Variants in ARHGEF18 observed in about 807,000 individuals in gnomAD.
ARHGEF18 encodes the protein rho guanine nucleotide exchange factor 18.
A neutral mutation model predicts 155.7 loss-of-function variants in ARHGEF18; 93 were observed. That is an observed-to-expected ratio of 0.60 (90% confidence interval 0.50 to 0.71). The LOEUF (loss-of-function observed/expected upper bound fraction) is 0.71, where lower values mean the gene tolerates loss of function less well. Among genes scored for constraint, ARHGEF18 ranks in the 30% least tolerant of loss-of-function variants. The pLI is 0.00. For missense variants in ARHGEF18, 1,593 were observed against 1,816.1 expected, an observed-to-expected ratio of 0.88 and a Z score of 2.23; for synonymous variants, 742 against 753.1, an observed-to-expected ratio of 0.99 and a Z score of 0.24.
chr19:7,372,780 T>G (rs1369878740), intron 2 of ARHGEF18, 32 bp from the exon 3 acceptor site: 10 of 1,234,322 alleles, frequency 8.1e-6, no homozygotes, highest in South Asian at 4.1e-5. Flanking sequence ...GGTCAATGTC[T>G]TCTTCTCCCT....
intron 3 of ARHGEF18, 109 bp from the exon 4 acceptor site, chr19:7,375,611 G>A: frequency 8.9e-7 from 1 of 1,124,304 alleles, no homozygotes. Flanking sequence ...ACCCTTCCTT[G>A]TCCTGGAAGG....
rs762196307 is a variant in ARHGEF18 at position 7,385,833 on chromosome 19, ATCTCTC to A, written c.967+2663_967+2668del. ...TTAGAGATAGGATCTATCTCTCTCTATCTCTCTCTCTCTCTCTCTCTCTCTCTCTCT... is the reference window on the plus strand; with the variant it reads ...TTAGAGATAGGATCTATCTCTCTCTATCTCTCTCTCTCTCTCTCTCTCTCT... On this transcript the variant is annotated intron_variant, in intron 10 of 28. Coordinates refer to ENST00000668164, the MANE Select transcript of ARHGEF18 (RefSeq NM_001367823.1). Among the ~76,000 whole-genome samples, 313 of 51,960 alleles carry A rather than the reference ATCTCTC, an allele frequency of 6.0e-3. 1 individual carries two copies. Among genetic ancestry groups the A allele is most frequent in the African/African-American group, 0.01 (140 of 13,852 alleles). 34.1% of individuals were successfully genotyped at this position (51,960 alleles called of 152,430 possible).
chr19:7,382,562 T>C (rs982818926), intron 8 of ARHGEF18, among the ~76,000 whole-genome samples: 2 of 152,112 alleles, frequency 1.3e-5, no homozygotes, highest in Admixed American at 6.6e-5. Context: ...CATTTCCCTC[T>C]GTAAACCCAG....
chr19:7,394,708 C>T (rs1464413202), intron 10 of ARHGEF18, among the ~76,000 whole-genome samples: 4 of 151,654 alleles, frequency 2.6e-5, no homozygotes, highest in Admixed American at 2.6e-4. Context: ...TTCTCCAAAC[C>T]GCTGTCCTCC....
chr19:7,478,248 G>T, the ARHGEF18 span: 16 of 1,539,900 alleles, frequency 1.0e-5, no homozygotes, highest in Non-Finnish European at 1.4e-5. Flanking sequence ...AGGGGTGGCT[G>T]CGAGCCGGGA....
At chr19:7,414,619 G>A (rs1972887554) in intron 10 of ARHGEF18, among the ~76,000 whole-genome samples, 1 of 151,974 alleles carries the variant, frequency 6.6e-6, no homozygotes, top group South Asian at 2.1e-4. Flanking sequence ...GACCATCCTG[G>A]CCAAGATGGT....
chr19:7,467,530 T>G lies in ARHGEF18; in HGVS notation c.3326T>G (p.Leu1109Arg), dbSNP rs1976725630. ...CGGCTGGAGCAGGAGCGGGCCGAGCTGGAGCGCCAGCGCCAGGCCTACCAG... is the reference window on the plus strand; with the variant it reads ...CGGCTGGAGCAGGAGCGGGCCGAGCGGGAGCGCCAGCGCCAGGCCTACCAG... The part of the protein sequence containing the change: ...RERLEQERAE[L>R]ERQRQAYQHD... The change falls in exon 26 of 29, where the codon CTG (leucine) becomes CGG (arginine). Residue 1109 changes from leucine to arginine, a missense_variant. Leu to Arg is a moderately radical substitution (Grantham distance 102). Coordinates refer to ENST00000668164, the MANE Select transcript of ARHGEF18 (RefSeq NM_001367823.1). The G allele has an allele frequency of 1.4e-6, 2 of 1,444,170 alleles. No individual in the cohort carries two copies. Among genetic ancestry groups the G allele is most frequent in the Non-Finnish European group, 9.0e-7 (1 of 1,110,182 alleles). The allele number at this position is 1,444,170 out of a possible 1,614,324, so 89.5% of individuals were successfully genotyped here. A position where few individuals can be genotyped will look rare whatever the true frequency, so the allele number is the denominator to read the frequency against.
intron 10 of ARHGEF18, among the ~76,000 whole-genome samples, chr19:7,404,868 C>T (rs1415146625): frequency 6.6e-6 from 1 of 152,132 alleles, no homozygotes; most frequent in Non-Finnish European, 1.5e-5. Context: ...ACATTCTATA[C>T]CGTGATCCAA....
At chr19:7,405,617 GT>G (rs1427738231) in intron 10 of ARHGEF18, among the ~76,000 whole-genome samples, 2 of 152,078 alleles carry the variant, frequency 1.3e-5, no homozygotes, top group Non-Finnish European at 2.9e-5. Flanking sequence ...TTTTGTTTTA[GT>G]TTTTGTTTTT....
chr19:7,380,065 G>C (rs1412730601), intron 7 of ARHGEF18, among the ~76,000 whole-genome samples: 6 of 151,794 alleles, frequency 4.0e-5, no homozygotes, highest in Non-Finnish European at 8.8e-5. Flanking sequence ...CTACTCTGGG[G>C]GGTGTGGGGG....
At chr19:7,380,291 A>ACC (rs1970666093) in intron 7 of ARHGEF18, among the ~76,000 whole-genome samples, 1 of 151,918 alleles carries the variant, frequency 6.6e-6, no homozygotes, top group Admixed American at 6.6e-5. Flanking sequence ...ATCCTGACTA[A>ACC]CATGGTGAAA....
At chr19:7,351,485 G>T (rs1267289070) in intron 1 of ARHGEF18, among the ~76,000 whole-genome samples, 1 of 151,472 alleles carries the variant, frequency 6.6e-6, no homozygotes, top group Non-Finnish European at 1.5e-5. Flanking sequence ...CACCATGCCC[G>T]GCTAATTTTA....
Position 7,432,650 on chromosome 19 carries a change from T to G in ARHGEF18, c.968-7694T>G, listed in dbSNP as rs115161583. Among the ~76,000 whole-genome samples, 1,326 of 152,270 alleles carry G rather than the reference T, an allele frequency of 8.7e-3. 16 individuals carry two copies. The highest frequency in any genetic ancestry group is 0.017 in the African/African-American group (706 of 41,540). On this transcript the variant is annotated intron_variant, in intron 10 of 28. Coordinates refer to ENST00000668164, the MANE Select transcript of ARHGEF18 (RefSeq NM_001367823.1). The stretch of plus-strand genomic sequence containing the variant: ...GCCACCACTCCCAGCCCTGTTTGTT[T>G]CTTGAATAGTCCTTTGCAGAAAACT...
intron 27 of ARHGEF18, 79 bp from the exon 28 acceptor site, chr19:7,469,825 C>T: frequency 6.5e-7 from 1 of 1,549,540 alleles, no homozygotes; most frequent in South Asian, 1.2e-5. Flanking sequence ...GGCCAGGCCC[C>T]TCTGCTCTCG....
chr19:7,399,243 A>G (rs1971898916), intron 10 of ARHGEF18, among the ~76,000 whole-genome samples: 1 of 152,064 alleles, frequency 6.6e-6, no homozygotes, highest in Admixed American at 6.6e-5. Context: ...TTTTGAGGGG[A>G]GGATTGTGGC....
At chr19:7,380,852 C>A in intron 7 of ARHGEF18, 65 bp from the exon 8 acceptor site, 2 of 1,069,368 alleles carry the variant, frequency 1.9e-6, no homozygotes, top group Non-Finnish European at 2.4e-6. Context: ...TACTCGGTAG[C>A]ACTGGGGTAG....
chr19:7,444,135 A>G lies in ARHGEF18; in HGVS notation c.1361-69A>G. On this transcript the variant is annotated intron_variant, in intron 13 of 28. Coordinates refer to ENST00000668164, the MANE Select transcript of ARHGEF18 (RefSeq NM_001367823.1). This position sits in a 1 kb window ranked among gnomAD's most constrained non-coding sequence, Gnocchi z 4.7. The stretch of plus-strand genomic sequence containing the variant: ...CCAGTTCAGCACGTGAAGGGCAGGC[A>G]GCACCCACGACTGCCCAGCGGGGCC... 2 of 1,577,172 alleles carry G rather than the reference A, an allele frequency of 1.3e-6. No homozygotes were observed. The highest frequency in any genetic ancestry group is 1.7e-6 in the Non-Finnish European group (2 of 1,158,330).
intron 10 of ARHGEF18, chr19:7,439,646 GATGC>G: frequency 1.8e-6 from 2 of 1,125,072 alleles, no homozygotes; most frequent in Admixed American, 4.5e-5. Context: ...CGTCCACTTC[GATGC>G]TAGAATTCTG....
intron 10 of ARHGEF18, among the ~76,000 whole-genome samples, chr19:7,393,970 T>C (rs1971540067): frequency 6.6e-6 from 1 of 150,628 alleles, no homozygotes; most frequent in Admixed American, 6.6e-5. Context: ...GAGAGGTATA[T>C]GATTCATTTT....
Sources: allele counts gnomAD v4.1 joint callset (sites outside exome capture counted in the v4.1 genomes callset), GRCh38; gene constraint gnomAD v4.1.1; non-coding constraint Gnocchi (gnomAD v3.1); transcripts MANE v1.5; gene names NCBI Gene and HGNC (gene_info 2026-07-23, HGNC 2026-07-21).